Variants in BTAF1 observed in about 807,000 individuals in gnomAD.
The protein encoded by BTAF1 is TATA-binding protein-associated factor 172.
BTAF1 carries 38 observed loss-of-function variants against 227.1 expected under a neutral mutation model. That is an observed-to-expected ratio of 0.17 (90% CI 0.13 to 0.22). The LOEUF is 0.22. Ranked by LOEUF, BTAF1 falls within the 10% of genes least tolerant of loss-of-function variation. The pLI is 1.00. For missense variants in BTAF1, 1,598 were observed against 2,204.0 expected, an observed-to-expected ratio of 0.73 and a Z score of 5.51; for synonymous variants, 742 against 751.9, an observed-to-expected ratio of 0.99 and a Z score of 0.21.
chr10:92,028,821 C>T lies in BTAF1; in HGVS notation c.5438C>T (p.Thr1813Ile), dbSNP rs781468351. The T allele has an allele frequency of 3.1e-6, 5 of 1,605,306 alleles. No individual in the cohort carries two copies. The Admixed American group carries it at 8.5e-5, about 27-fold the overall frequency. ...DGKAEKADTS[T>I]SGKASMKSIL... ...AAAGCAGAAAAAGCTGACACCTCTA[C>T]TTCTGGGAAAGCAAGTATGAAATCA... Residue 1813 changes from threonine (T) to isoleucine (I), a missense_variant, in exon 38 of 38, where the codon ACT (threonine) becomes ATT (isoleucine). Physicochemically the swap from Thr to Ile is moderately conservative, Grantham distance 89 (BLOSUM62 -1). Around this residue, in one of 10 missense-constraint regions of BTAF1, gnomAD observed 79 missense variants for 97.9 expected, o/e 0.81. Transcript: ENST00000265990.
Position 91,993,866 on chromosome 10 carries a change from G to A in BTAF1, c.3199+19G>A, listed in dbSNP as rs1211623269. On this transcript the variant is annotated intron_variant, in intron 22 of 37. Coordinates refer to ENST00000265990, the MANE Select transcript of BTAF1 (RefSeq NM_003972.3). Reference sequence around the variant, plus strand: ...AATTTTGGTATACACATATTTTTATGAGTCCAGTTTTTAACAAATTTTAAT... The same window carrying A: ...AATTTTGGTATACACATATTTTTATAAGTCCAGTTTTTAACAAATTTTAAT... 6.5e-7 allele frequency: 1 copy of A among 1,545,540 alleles called. No homozygotes were observed. Among genetic ancestry groups the A allele is most frequent in the Non-Finnish European group, 8.8e-7 (1 of 1,139,500 alleles).
chr10:92,028,867 T>A lies in BTAF1; in HGVS notation c.5484T>A (p.Asp1828Glu). Residue 1828 changes from aspartate (D) to glutamate (E), a missense_variant, in exon 38 of 38, where the codon GAT becomes GAA. Asp to Glu is a conservative substitution (Grantham distance 45). This residue lies in a region of BTAF1 where 79 missense variants were observed against 97.9 expected (regional missense o/e 0.81). Coordinates refer to ENST00000265990, the MANE Select transcript of BTAF1 (RefSeq NM_003972.3). The stretch of plus-strand genomic sequence containing the variant: ...AATCAATTCTTGAAAACCTGAGTGA[T>A]CTTTGGGATCAAGAGCAGTATGATT... ...SMKSILENLS[D>E]LWDQEQYDSE... 2 of 1,609,770 alleles carry A rather than the reference T, an allele frequency of 1.2e-6. No homozygotes were observed. Among genetic ancestry groups the A allele is most frequent in the Non-Finnish European group, 1.7e-6 (2 of 1,178,320 alleles).
chr10:91,998,138 AAAAAAG>A (rs1336453974), intron 25 of BTAF1, among the ~76,000 whole-genome samples: 167 of 151,828 alleles, frequency 1.1e-3, no homozygotes, highest in African/African-American at 2.8e-3. Flanking sequence ...AAAAAAAAAA[AAAAAAG>A]AAAAGAAAAG....
At chr10:91,951,806 A>G (rs1217603571) in intron 5 of BTAF1, among the ~76,000 whole-genome samples, 2 of 152,108 alleles carry the variant, frequency 1.3e-5, no homozygotes, top group Non-Finnish European at 1.5e-5. Context: ...TTTAGGCACT[A>G]CTGGTATTGA....
intron 32 of BTAF1, among the ~76,000 whole-genome samples, chr10:92,015,958 A>G (rs1167273264): frequency 5.9e-5 from 9 of 152,096 alleles, no homozygotes; most frequent in Admixed American, 3.3e-4. Context: ...TCATTTAAGG[A>G]AGATTTTTCT....
At chr10:91,925,103 C>T (rs369627829) in intron 1 of BTAF1, among the ~76,000 whole-genome samples, 2 of 152,078 alleles carry the variant, frequency 1.3e-5, no homozygotes, top group African/African-American at 4.8e-5. Context: ...TTACAGACTC[C>T]CTAGATGACT....
chr10:92,016,210 A>G, intron 32 of BTAF1, 130 bp from the exon 33 acceptor site: 1 of 1,039,160 alleles, frequency 9.6e-7, no homozygotes, highest in African/African-American at 1.7e-5. Flanking sequence ...TGAATTAGAG[A>G]TATCACAATT....
In BTAF1 at chr10:91,993,641, A is replaced by G. The variant is rs577076350; in HGVS notation, c.3046-53A>G. 6.2e-6 allele frequency: 8 copies of G among 1,290,644 alleles called. No individual in the cohort carries two copies. In the South Asian group the frequency reaches 1.2e-4, roughly 20 times the overall value. The allele number at this position is 1,290,644 out of a possible 1,614,324, so 79.9% of individuals were successfully genotyped here. A position where few individuals can be genotyped will look rare whatever the true frequency, so the allele number is the denominator to read the frequency against. ...TTAAATTCTTTTGTTAAAATTTTAA[A>G]TGTATTATGATTTTTTCTGAAATTC... is the stretch of plus-strand genomic sequence containing the variant. On this transcript the variant is annotated intron_variant, in intron 21 of 37. Transcript: ENST00000265990.
At chr10:91,947,777 G>A (rs1307786765) in intron 4 of BTAF1, among the ~76,000 whole-genome samples, 2 of 141,012 alleles carry the variant, frequency 1.4e-5, no homozygotes, top group Non-Finnish European at 3.0e-5. Context: ...GATTTTGATA[G>A]CAATTTTGTT....
chr10:91,980,590 C>A, intron 15 of BTAF1, 32 bp downstream of exon 15: 1 of 1,539,926 alleles, frequency 6.5e-7, no homozygotes, highest in East Asian at 2.2e-5. Context: ...GTTCCTTTTC[C>A]TAGTAACTTT....
chr10:91,984,218 C>T lies in BTAF1; in HGVS notation c.2241C>T (p.Thr747=), dbSNP rs1195370520. The T allele has an allele frequency of 1.9e-6, 3 of 1,613,554 alleles. No homozygotes were observed. Among genetic ancestry groups the T allele is most frequent in the African/African-American group, 2.7e-5 (2 of 74,878 alleles). ...TATTTTAGGAGTGTAAAGCTGTTAC[C>T]TTAGCTGTGCAGCCGCGTTTACTTG... ...AALQKECKAV[T]LAVQPRLLDI... The change falls in exon 19 of 38, where the codon ACC becomes ACT. Residue 747 remains threonine (T), a synonymous_variant. Transcript: ENST00000265990.
intron 12 of BTAF1, 76 bp downstream of exon 12, chr10:91,962,754 T>G: frequency 4.5e-6 from 6 of 1,346,916 alleles, no homozygotes; most frequent in Non-Finnish European, 6.0e-6. Flanking sequence ...GAAAATACAT[T>G]GTGTACATTT....
chr10:91,971,553 A>T (rs1230291842), intron 14 of BTAF1, among the ~76,000 whole-genome samples: 1 of 149,290 alleles, frequency 6.7e-6, no homozygotes. Context: ...GCTCCCTGCA[A>T]CCGCTGCCTC....
chr10:91,980,404 A>G, intron 14 of BTAF1, 50 bp from the exon 15 acceptor site: 1 of 1,333,212 alleles, frequency 7.5e-7, no homozygotes, highest in South Asian at 1.2e-5. Flanking sequence ...CAGGTAAGCT[A>G]ACATCCAAGA....
chr10:92,005,976 C>T (rs190448783), intron 25 of BTAF1, among the ~76,000 whole-genome samples: 132 of 151,914 alleles, frequency 8.7e-4, no homozygotes, highest in African/African-American at 2.5e-3. Context: ...TGGACTCAAG[C>T]GATCCTCCTG....
chr10:91,981,495 T>C (rs1848058905), intron 15 of BTAF1, 148 bp from the exon 16 acceptor site: 8 of 800,282 alleles, frequency 1.0e-5, no homozygotes, highest in Admixed American at 3.4e-5. Context: ...AACAGTACTG[T>C]ATTTCAAAAT....
chr10:92,003,870 T>A (rs1220989591), intron 25 of BTAF1, among the ~76,000 whole-genome samples: 3 of 152,208 alleles, frequency 2.0e-5, no homozygotes, highest in African/African-American at 7.2e-5. Flanking sequence ...CCACCAACAA[T>A]ACGCAAGGGT....
intron 1 of BTAF1, among the ~76,000 whole-genome samples, chr10:91,928,089 A>G (rs1203015057): frequency 6.9e-6 from 1 of 144,420 alleles, no homozygotes; most frequent in African/African-American, 2.5e-5. Context: ...TTTTAAAGCT[A>G]TCTCCTATAG....
rs1430080134 is a variant in BTAF1 at position 92,030,176 on chromosome 10, G to T, written c.*1243G>T. 6.6e-6 allele frequency: 1 copy of T among 152,508 alleles called. No homozygotes were observed. Among genetic ancestry groups the T allele is most frequent in the Non-Finnish European group, 1.5e-5 (1 of 67,958 alleles). The allele number at this position is 152,508 out of a possible 1,614,324, so 9.4% of individuals were successfully genotyped here. On this transcript the variant is annotated 3_prime_UTR_variant, in exon 38 of 38. Coordinates refer to ENST00000265990, the MANE Select transcript of BTAF1 (RefSeq NM_003972.3). ...TCAGTTTAACAACCATCAGACCTCA[G>T]CTGTACAATAACAGGTGTTTTGTTT...
Sources: gnomAD v4.1 joint callset for allele counts (sites outside exome capture counted in the v4.1 genomes callset) on GRCh38, gnomAD v4.1.1 for gene constraint, gnomAD v4.1.1 regional missense constraint, MANE v1.5 for transcripts, NCBI Gene and HGNC (gene_info 2026-07-23, HGNC 2026-07-21) for gene names.